Variants in ZC3HAV1 observed in about 807,000 individuals in gnomAD.
ZC3HAV1 encodes zinc finger CCCH-type antiviral protein 1.
In ZC3HAV1, 41 loss-of-function variants were observed where a neutral mutation model predicts 86.6. The ratio of observed to expected loss-of-function variants is 0.47; its 90% CI spans 0.37 to 0.61. The LOEUF (loss-of-function observed/expected upper bound fraction) is 0.61. Ranked by LOEUF, ZC3HAV1 falls within the 20% of genes least tolerant of loss-of-function variation. The pLI is 0.00. For synonymous variants in ZC3HAV1, 421 were observed against 432.1 expected, an observed-to-expected ratio of 0.97 and a Z score of 0.32; for missense variants, 964 against 1,141.1, an observed-to-expected ratio of 0.84 and a Z score of 2.24.
At chr7:139,104,646 C>T (rs560784853) in intron 1 of ZC3HAV1, among the ~76,000 whole-genome samples, 13 of 136,264 alleles carry the variant, frequency 9.5e-5, no homozygotes, top group South Asian at 5.1e-4. Context: ...TCGCTTGAAC[C>T]GGGGAGGCGG....
At chr7:139,058,341 T>A (rs902670202) in intron 9 of ZC3HAV1, among the ~76,000 whole-genome samples, 1 of 151,738 alleles carries the variant, frequency 6.6e-6, no homozygotes, top group African/African-American at 2.4e-5. Flanking sequence ...ATAGTCCTAG[T>A]TACTTGGGTG....
chr7:139,109,450 G>A lies in ZC3HAV1; in HGVS notation c.-119C>T. On this transcript the variant is annotated 5_prime_UTR_variant, in exon 1 of 13. Coordinates refer to ENST00000242351, the MANE Select transcript of ZC3HAV1 (RefSeq NM_020119.4). Reference sequence around the variant, plus strand: ...GCGGTGCTACTGCTGGGCGCGCCCGGAGTCAGCGAGGGCGCGCTCTCCGTC... The same window carrying A: ...GCGGTGCTACTGCTGGGCGCGCCCGAAGTCAGCGAGGGCGCGCTCTCCGTC... 7.8e-7 allele frequency: 1 copy of A among 1,282,016 alleles called. No individual in the cohort carries two copies. Among genetic ancestry groups the A allele is most frequent in the East Asian group, 2.6e-5 (1 of 38,342 alleles). 79.4% of individuals were successfully genotyped at this position (1,282,016 alleles called of 1,614,324 possible).
intron 10 of ZC3HAV1, 119 bp from the exon 11 acceptor site, chr7:139,054,214 T>C (rs1563123590): frequency 8.6e-6 from 9 of 1,042,360 alleles, no homozygotes; most frequent in Non-Finnish European, 1.2e-5. Flanking sequence ...TAACAGCAGA[T>C]AGGATGAGCT....
chr7:139,058,389 G>GGCTGCAGTGAGCTGTGATTGCGCC (rs1388912103), intron 9 of ZC3HAV1, among the ~76,000 whole-genome samples: 3 of 150,750 alleles, frequency 2.0e-5, no homozygotes, highest in African/African-American at 7.3e-5. Flanking sequence ...GAGAGGTTGA[G>GGCTGCAGTGAGCTGTGATTGCGCC]GCTGCAGTGA....
At chr7:139,048,425 G>A (rs1035564177) in intron 12 of ZC3HAV1, among the ~76,000 whole-genome samples, 23 of 151,976 alleles carry the variant, frequency 1.5e-4, no homozygotes, top group African/African-American at 5.6e-4. Context: ...GGGCAACATG[G>A]GGAGACTCCA....
rs1461847244 is a variant in ZC3HAV1 at position 139,109,167 on chromosome 7, G to T, written c.165C>A (p.Gly55=). The T allele has an allele frequency of 2.1e-5, 34 of 1,598,820 alleles. No individual in the cohort carries two copies. The highest frequency in any genetic ancestry group is 2.9e-5 in the Non-Finnish European group (34 of 1,172,966). Residue 55 remains glycine, a synonymous_variant, in exon 1 of 13, where the codon GGC becomes GGA. Transcript: ENST00000242351. ...CCGATCGGGTGATCCCGGCCTCGCC[G>T]CCGGTCTCCAACACCACAAAGCGGT... is the stretch of plus-strand genomic sequence containing the variant. The part of the protein sequence containing the change: ...GPDRFVVLET[G]GEAGITRSVV...
At position 139,046,942 on chromosome 7, in the gene ZC3HAV1, T is replaced by G. The variant is rs78528497; in HGVS notation, c.*652A>C. 0.036 allele frequency: 5,433 copies of G among 152,232 alleles called. 325 individuals are homozygous for G. Among genetic ancestry groups the G allele is most frequent in the African/African-American group, 0.12 (5,122 of 41,508 alleles). The allele number at this position is 152,232 out of a possible 1,614,324, so 9.4% of individuals were successfully genotyped here. A position where few individuals can be genotyped will look rare whatever the true frequency, so the allele number is the denominator to read the frequency against. On this transcript the variant is annotated 3_prime_UTR_variant, in exon 13 of 13. Transcript: ENST00000242351. ...AGACAGGAGAGAAAGGTTGCTGCAA[T>G]TACAGAAAATTTAGAAATCAGCCTT...
chr7:139,055,274 C>A lies in ZC3HAV1; in HGVS notation c.2118G>T (p.Ser706=). 6.2e-7 allele frequency: 1 copy of A among 1,613,136 alleles called. No homozygotes were observed. The highest frequency in any genetic ancestry group is 8.5e-7 in the Non-Finnish European group (1 of 1,179,404). ...GAAAGGTCGCAGTTAAAGACACTGA[C>A]GAGGTCTTTGCTGGCTGATGGCTAC... ...RGPDHQPAKT[S]SVSLTATFRP... The change falls in exon 10 of 13, where the codon TCG becomes TCT. Residue 706 remains serine (S), a synonymous_variant. Transcript: ENST00000242351.
intron 7 of ZC3HAV1, among the ~76,000 whole-genome samples, chr7:139,073,124 C>T (rs1384532356): frequency 6.6e-6 from 1 of 151,966 alleles, no homozygotes; most frequent in Non-Finnish European, 1.5e-5. Context: ...GTTGAAACCC[C>T]ATGTCTACTA....
chr7:139,076,232 C>T (rs1816938860), intron 6 of ZC3HAV1, 54 bp downstream of exon 6: 1 of 1,611,672 alleles, frequency 6.2e-7, no homozygotes, highest in East Asian at 2.2e-5. Context: ...AGCACTAATG[C>T]TTCCCTTTGA....
Position 139,090,700 on chromosome 7 carries a change from T to C in ZC3HAV1, c.309-941A>G, listed in dbSNP as rs534478057. 9.2e-5 allele frequency among the ~76,000 whole-genome samples: 14 copies of C among 152,354 alleles called. No individual in the cohort carries two copies. In the South Asian group the frequency reaches 2.7e-3, roughly 29 times the overall value. ...GAAATGCAAAATGATCTTATTGAAATTGATGAATTTTTGAAAATGTAAACA... is the reference window on the plus strand; with the variant it reads ...GAAATGCAAAATGATCTTATTGAAACTGATGAATTTTTGAAAATGTAAACA... On this transcript the variant is annotated intron_variant, in intron 1 of 12. Transcript: ENST00000242351.
chr7:139,072,435 C>G (rs6972275), intron 7 of ZC3HAV1, among the ~76,000 whole-genome samples: 9,154 of 149,036 alleles, frequency 0.061, 314 homozygotes, highest in African/African-American at 0.083. Flanking sequence ...ATCCACCCCA[C>G]CTCGGCCTCC....
At chr7:139,078,516 G>C in intron 5 of ZC3HAV1, 36 bp downstream of exon 5, 1 of 1,505,376 alleles carries the variant, frequency 6.6e-7, no homozygotes, top group South Asian at 1.2e-5. Context: ...ATGGCCAAAA[G>C]GTGGAAGCTT....
chr7:139,087,471 CAG>C (rs534376377), intron 2 of ZC3HAV1, among the ~76,000 whole-genome samples: 24 of 141,306 alleles, frequency 1.7e-4, no homozygotes, highest in Non-Finnish European at 1.7e-4. Context: ...GAGAGGGAGA[CAG>C]AGAGAGAGAG....
rs563761024 is a variant in ZC3HAV1, at chr7:139,054,201, T to A, written c.2188-106A>T. On this transcript the variant is annotated intron_variant, in intron 10 of 12. Coordinates refer to ENST00000242351, the MANE Select transcript of ZC3HAV1 (RefSeq NM_020119.4). ...CATGAAGTATTGTTACCAGGGTTCT[T>A]TCTAACAGCAGATAGGATGAGCTGG... is the stretch of plus-strand genomic sequence containing the variant. The A allele has an allele frequency of 7.1e-5, 83 of 1,177,068 alleles. 2 individuals are homozygous for A. The African/African-American group carries it at 1.1e-3, about 16-fold the overall frequency. 72.9% of individuals were successfully genotyped at this position (1,177,068 alleles called of 1,614,324 possible).
intron 7 of ZC3HAV1, among the ~76,000 whole-genome samples, chr7:139,066,660 G>A (rs144251120): frequency 2.3e-3 from 343 of 152,272 alleles, no homozygotes; most frequent in African/African-American, 7.8e-3. Context: ...AATGGTGCCC[G>A]GTAAACCCTA....
chr7:139,093,295 GAATT>G (rs2130724374), intron 1 of ZC3HAV1, among the ~76,000 whole-genome samples: 1 of 152,266 alleles, frequency 6.6e-6, no homozygotes, highest in African/African-American at 2.4e-5. Context: ...TCGGCATCCT[GAATT>G]ATTTAAGCCA....
At chr7:139,051,405 A>ATTTT (rs58931897) in intron 12 of ZC3HAV1, among the ~76,000 whole-genome samples, 2 of 133,084 alleles carry the variant, frequency 1.5e-5, no homozygotes, top group Non-Finnish European at 3.3e-5. Context: ...CAATCATTTA[A>ATTTT]TTTTTTTTTT....
intron 7 of ZC3HAV1, among the ~76,000 whole-genome samples, chr7:139,073,088 G>A (rs1464543026): frequency 6.6e-6 from 1 of 152,108 alleles, no homozygotes; most frequent in Non-Finnish European, 1.5e-5. Context: ...CTGAGGTCAG[G>A]AGTTCACGAC....
Sources: gnomAD v4.1 joint callset for allele counts (sites outside exome capture counted in the v4.1 genomes callset) on GRCh38, gnomAD v4.1.1 for gene constraint, MANE v1.5 for transcripts, NCBI Gene and HGNC (gene_info 2026-07-23, HGNC 2026-07-21) for gene names.